The following PADI4 variants were observed in gnomAD, a reference collection of about 807,000 sequenced individuals.
The protein encoded by PADI4 is protein-arginine deiminase type-4.
PADI4 carries 62 observed loss-of-function variants against 75.0 expected under a neutral mutation model. That is an observed-to-expected ratio of 0.83 (90% CI 0.67 to 1.02). The LOEUF is 1.02. Among genes scored for constraint, PADI4 ranks in the 50% least tolerant of loss-of-function variants. The pLI is 0.00. For synonymous variants in PADI4, 361 were observed against 348.1 expected, an observed-to-expected ratio of 1.04 and a Z score of -0.41; for missense variants, 845 against 850.5, an observed-to-expected ratio of 0.99 and a Z score of 0.08.
chr1:17,328,912 C>G (rs1748041), intron 1 of PADI4, among the ~76,000 whole-genome samples: 16 of 151,212 alleles, frequency 1.1e-4, no homozygotes, highest in African/African-American at 3.9e-4. Context: ...TCCTAAACTA[C>G]GCCTTCAGAA....
rs143082336 is a variant in PADI4 at position 17,338,079 on chromosome 1, G to C, written c.450G>C (p.Leu150=). The C allele has an allele frequency of 2.6e-5, 42 of 1,613,804 alleles. No individual in the cohort carries two copies. The African/African-American group carries it at 4.9e-4, about 19-fold the overall frequency. ...GCCCTTGTGGACAGGGTGCCATCCT[G>C]CTGGTGAACTGTGACAGAGACAATC... is the stretch of plus-strand genomic sequence containing the variant. ...TWGPCGQGAI[L]LVNCDRDNLE... Residue 150 remains leucine, a synonymous_variant, in exon 5 of 16, where the codon CTG becomes CTC. Coordinates refer to ENST00000375448, the MANE Select transcript of PADI4 (RefSeq NM_012387.3).
At chr1:17,311,738 G>A (rs2073834008) in intron 1 of PADI4, among the ~76,000 whole-genome samples, 1 of 151,996 alleles carries the variant, frequency 6.6e-6, no homozygotes. Context: ...TGTTAGCCAG[G>A]ATGGTCTCGA....
At position 17,342,381 on chromosome 1, in the gene PADI4, C is replaced by G. The variant is rs755282116; in HGVS notation, c.914C>G (p.Pro305Arg). 1.9e-6 allele frequency: 3 copies of G among 1,612,794 alleles called. No individual in the cohort carries two copies. Among genetic ancestry groups the G allele is most frequent in the East Asian group, 4.5e-5 (2 of 44,856 alleles). The stretch of plus-strand genomic sequence containing the variant: ...ATCATGACCCCCAACACCCAGCCCC[C>G]GCAGGAGGTGTACGCGTGCAGGTGA... ...PWIMTPNTQP[P>R]QEVYACSIFE... The change falls in exon 8 of 16, where the codon CCG becomes CGG. Residue 305 changes from proline to arginine, a missense_variant. Physicochemically the swap from Pro to Arg is moderately radical, Grantham distance 103. Transcript: ENST00000375448.
rs371809837 is a variant in PADI4, at chr1:17,342,030, T to G, written c.740T>G (p.Met247Arg). ...YLMVPGGKHNMDFYVEALAFP... is the reference protein window; with the variant it reads ...YLMVPGGKHNRDFYVEALAFP... ...ATGGTCCCCGGTGGAAAGCACAACA[T>G]GGACTTCTACGTGGAGGCCCTCGCT... is the stretch of plus-strand genomic sequence containing the variant. The change falls in exon 7 of 16, where the codon ATG becomes AGG. Residue 247 changes from methionine (M) to arginine (R), a missense_variant. Physicochemically the swap from Met to Arg is moderately conservative, Grantham distance 91. Coordinates refer to ENST00000375448, the MANE Select transcript of PADI4 (RefSeq NM_012387.3). 5 of 1,613,804 alleles carry G rather than the reference T, an allele frequency of 3.1e-6. No homozygotes were observed. The highest frequency in any genetic ancestry group is 4.2e-6 in the Non-Finnish European group (5 of 1,179,810).
In PADI4 at chr1:17,336,228, T is replaced by C. The variant is rs759076293; in HGVS notation, c.408+2T>C. On this transcript the variant is annotated splice_donor_variant, in intron 4 of 15. Transcript: ENST00000375448. LOFTEE classifies it high-confidence loss of function. The stretch of plus-strand genomic sequence containing the variant: ...CCAACCAGAGCTGTGAAAGATCAGG[T>C]ACCACTCACCCAAACGCTCCTTTCC... The C allele has an allele frequency of 6.2e-7, 1 of 1,612,516 alleles. No homozygotes were observed. Among genetic ancestry groups the C allele is most frequent in the East Asian group, 2.2e-5 (1 of 44,878 alleles).
At chr1:17,316,132 G>A (rs375713754) in intron 1 of PADI4, among the ~76,000 whole-genome samples, 3 of 151,996 alleles carry the variant, frequency 2.0e-5, no homozygotes, top group East Asian at 1.9e-4. Context: ...AGTGGCTCAC[G>A]CCTATAATCC....
At chr1:17,335,998 G>A (rs993835032) in intron 3 of PADI4, among the ~76,000 whole-genome samples, 161 bp from the exon 4 acceptor site, 5 of 152,238 alleles carry the variant, frequency 3.3e-5, no homozygotes, top group African/African-American at 1.2e-4. Context: ...CCGTGGAGGA[G>A]GGATGTCTTG....
intron 3 of PADI4, among the ~76,000 whole-genome samples, chr1:17,335,587 T>C (rs534268000): frequency 6.6e-6 from 1 of 152,330 alleles, no homozygotes; most frequent in South Asian, 2.1e-4. Context: ...CTTGCAGTCA[T>C]ATATTCGGAT....
intron 13 of PADI4, among the ~76,000 whole-genome samples, chr1:17,357,652 G>T (rs11203370): frequency 0.7 from 106,506 of 151,898 alleles, 37,537 homozygotes; most frequent in East Asian, 0.79. Context: ...ACTAAACTAG[G>T]CTGGGCGCGA....
chr1:17,347,358 T>C (rs1371785411), intron 9 of PADI4, among the ~76,000 whole-genome samples: 1 of 152,252 alleles, frequency 6.6e-6, no homozygotes, highest in African/African-American at 2.4e-5. Context: ...GTAGTGATTA[T>C]GTCCAACATC....
chr1:17,352,244 A>AAGAGGGGTGGTCAGG (rs2074675618), intron 10 of PADI4, among the ~76,000 whole-genome samples: 1 of 139,962 alleles, frequency 7.1e-6, no homozygotes, highest in African/African-American at 3.1e-5. Context: ...GGGAGGTGGT[A>AAGAGGGGTGGTCAGG]GCAGAGGTGG....
At chr1:17,358,178 G>A (rs575567207) in intron 13 of PADI4, among the ~76,000 whole-genome samples, 1 of 152,202 alleles carries the variant, frequency 6.6e-6, no homozygotes, top group East Asian at 1.9e-4. Flanking sequence ...AACTCGGGAG[G>A]TGGAGGTTGC....
Position 17,308,273 on chromosome 1 carries a change from C to CGT in PADI4, c.59_60dup (p.Leu21CysfsTer5). ...TGACCCCAGAGCAGCCCACCCATGC[C>CGT]GTGTGTGTGCTGGGCACCTTGACTC... On this transcript the variant is annotated frameshift_variant, in exon 1 of 16. Coordinates refer to ENST00000375448, the MANE Select transcript of PADI4 (RefSeq NM_012387.3). LOFTEE classifies it high-confidence loss of function. 1.2e-6 allele frequency: 2 copies of CGT among 1,614,084 alleles called. No homozygotes were observed. Among genetic ancestry groups the CGT allele is most frequent in the Non-Finnish European group, 8.5e-7 (1 of 1,180,008 alleles).
intron 1 of PADI4, among the ~76,000 whole-genome samples, chr1:17,318,814 T>C (rs2100668647): frequency 6.6e-6 from 1 of 151,076 alleles, no homozygotes; most frequent in South Asian, 2.1e-4. Flanking sequence ...GCCTCCCGAG[T>C]AGCTGGGACT....
At chr1:17,343,729 C>G (rs2074464413) in intron 8 of PADI4, among the ~76,000 whole-genome samples, 1 of 152,192 alleles carries the variant, frequency 6.6e-6, no homozygotes. Flanking sequence ...GGGGTTTCCA[C>G]TTTTGCATCT....
rs542081316 is a variant in PADI4 at position 17,334,108 on chromosome 1, C to T, written c.340+99C>T. The T allele has an allele frequency of 5.8e-5, 45 of 776,632 alleles. No individual in the cohort carries two copies. In the African/African-American group the frequency reaches 6.9e-4, roughly 12 times the overall value. The allele number at this position is 776,632 out of a possible 1,614,324, so 48.1% of individuals were successfully genotyped here. A position where few individuals can be genotyped will look rare whatever the true frequency, so the allele number is the denominator to read the frequency against. ...TAGGAGAAACTACACCTGGAGCTTA[C>T]TTTAGACTGAGTAGAGAAAAAGCAT... On this transcript the variant is annotated intron_variant, in intron 3 of 15. Transcript: ENST00000375448.
chr1:17,338,126 G>A lies in PADI4; in HGVS notation c.497G>A (p.Cys166Tyr), dbSNP rs772821950. ...AATCTCGAATCTTCTGCCATGGACTGCGAGGATGATGAAGTGCTTGACAGC... is the reference window on the plus strand; with the variant it reads ...AATCTCGAATCTTCTGCCATGGACTACGAGGATGATGAAGTGCTTGACAGC... ...RDNLESSAMDCEDDEVLDSED... is the reference protein window; with the variant it reads ...RDNLESSAMDYEDDEVLDSED... Residue 166 changes from cysteine (C) to tyrosine (Y), a missense_variant, in exon 5 of 16, where the codon TGC becomes TAC. By Grantham distance (194) the Cys-to-Tyr change is radical. Transcript: ENST00000375448. The A allele has an allele frequency of 3.7e-6, 6 of 1,612,444 alleles. No individual in the cohort carries two copies. In the East Asian group the frequency reaches 1.3e-4, roughly 36 times the overall value.
intron 8 of PADI4, among the ~76,000 whole-genome samples, chr1:17,343,919 G>A (rs746895925): frequency 2.0e-5 from 3 of 152,160 alleles, no homozygotes; most frequent in Admixed American, 6.5e-5. Flanking sequence ...AGAGGGGGGC[G>A]TTGCTGAAAA....
chr1:17,341,842 T>C (rs2100740775), intron 6 of PADI4, 101 bp from the exon 7 acceptor site: 1 of 827,678 alleles, frequency 1.2e-6, no homozygotes, highest in Admixed American at 2.5e-5. Flanking sequence ...GATGGTGCCA[T>C]GTGGTGACCC....
Sources: gnomAD v4.1 joint callset for allele counts (sites outside exome capture counted in the v4.1 genomes callset) on GRCh38, gnomAD v4.1.1 for gene constraint, MANE v1.5 for transcripts, NCBI Gene and HGNC (gene_info 2026-07-23, HGNC 2026-07-21) for gene names.